Variants in HEATR9 observed in about 807,000 individuals in gnomAD.
The protein encoded by HEATR9 is protein HEATR9.
Under a neutral mutation model 68.2 loss-of-function variants are expected in HEATR9, and 54 were observed. The observed-to-expected ratio is 0.79, with a 90% CI of 0.64 to 0.99. The LOEUF is 0.99. Ranked by LOEUF, HEATR9 falls within the 50% of genes least tolerant of loss-of-function variation. The pLI, the probability that HEATR9 is intolerant of heterozygous loss-of-function variation, is 0.00. For missense variants in HEATR9, 662 were observed against 679.7 expected, an observed-to-expected ratio of 0.97 and a Z score of 0.29; for synonymous variants, 241 against 253.5, an observed-to-expected ratio of 0.95 and a Z score of 0.47.
At position 35,868,788 on chromosome 17, in the gene HEATR9, A is replaced by G; in HGVS notation, c.-46T>C. ...AGAGGGAACCTGCAGGGGGGAATACAAGGCTTTTAGGGGAGTGGGGGCACA... is the reference window on the plus strand; with the variant it reads ...AGAGGGAACCTGCAGGGGGGAATACGAGGCTTTTAGGGGAGTGGGGGCACA... On this transcript the variant is annotated 5_prime_UTR_variant, in exon 1 of 15. Transcript: ENST00000604834. The G allele has an allele frequency of 6.3e-7, 1 of 1,584,818 alleles. No homozygotes were observed. Among genetic ancestry groups the G allele is most frequent in the Non-Finnish European group, 8.7e-7 (1 of 1,154,504 alleles).
intron 8 of HEATR9, among the ~76,000 whole-genome samples, chr17:35,861,921 C>T (rs576841970): frequency 5.7e-4 from 86 of 151,764 alleles, no homozygotes; most frequent in Non-Finnish European, 1.0e-3. Flanking sequence ...TGCAATGGCG[C>T]GATCTTGGCT....
At chr17:35,868,251 C>G (rs1598613876) in intron 1 of HEATR9, among the ~76,000 whole-genome samples, 2 of 152,278 alleles carry the variant, frequency 1.3e-5, no homozygotes, top group East Asian at 3.9e-4. Context: ...CCTAACCTGG[C>G]TGGGAGGATA....
At chr17:35,867,611 C>G (rs2088255165) in intron 1 of HEATR9, among the ~76,000 whole-genome samples, 3 of 151,806 alleles carry the variant, frequency 2.0e-5, no homozygotes, top group Non-Finnish European at 4.4e-5. Flanking sequence ...GAGTTCAAGA[C>G]CAATCTGGGC....
At chr17:35,858,410 G>A in intron 10 of HEATR9, 23 bp downstream of exon 10, 1 of 1,613,994 alleles carries the variant, frequency 6.2e-7, no homozygotes, top group Non-Finnish European at 8.5e-7. Flanking sequence ...GGAAAGGAAG[G>A]GTTCAGGCAG....
At chr17:35,855,494 G>A in intron 14 of HEATR9, 84 bp from the exon 15 acceptor site, 1 of 1,389,764 alleles carries the variant, frequency 7.2e-7, no homozygotes, top group South Asian at 1.2e-5. Context: ...AAAGTAGGGG[G>A]GAATTCTAGC....
intron 8 of HEATR9, chr17:35,861,215 G>T: frequency 1.9e-6 from 3 of 1,596,034 alleles, no homozygotes; most frequent in Middle Eastern, 3.9e-4. Context: ...ACTTTCTGTA[G>T]CTCTTTATTT....
intron 3 of HEATR9, 148 bp downstream of exon 3, chr17:35,865,067 G>A: frequency 7.8e-7 from 1 of 1,282,460 alleles, no homozygotes; most frequent in Non-Finnish European, 1.1e-6. Flanking sequence ...GAGCCAGATG[G>A]AGCTGAGCCA....
intron 13 of HEATR9, 46 bp downstream of exon 13, chr17:35,856,126 CT>C (rs761490059): frequency 1.9e-6 from 3 of 1,580,272 alleles, no homozygotes; most frequent in South Asian, 2.2e-5. Flanking sequence ...CCTACTCCCC[CT>C]GCCATCAACA....
chr17:35,856,132 T>C (rs2087763133), intron 13 of HEATR9, 41 bp downstream of exon 13: 2 of 1,593,956 alleles, frequency 1.3e-6, no homozygotes, highest in Non-Finnish European at 1.7e-6. Context: ...CCCCCTGCCA[T>C]CAACACAGGA....
chr17:35,862,984 C>T lies in HEATR9; in HGVS notation c.756+11G>A. 1 of 1,614,206 alleles carries T rather than the reference C, an allele frequency of 6.2e-7. No individual in the cohort carries two copies. Among genetic ancestry groups the T allele is most frequent in the South Asian group, 1.1e-5 (1 of 91,074 alleles). Reference sequence around the variant, plus strand: ...GCTTTGCCCCCAATTAAAGACTGTCCTCCCAATCACCTTGTCTTTAGAGAC... The same window carrying T: ...GCTTTGCCCCCAATTAAAGACTGTCTTCCCAATCACCTTGTCTTTAGAGAC... On this transcript the variant is annotated intron_variant, in intron 8 of 14. Transcript: ENST00000604834.
chr17:35,858,840 G>T, intron 9 of HEATR9, 48 bp downstream of exon 9: 1 of 1,590,916 alleles, frequency 6.3e-7, no homozygotes, highest in South Asian at 1.1e-5. Flanking sequence ...ACACAATTCA[G>T]CAGTGGCTTC....
chr17:35,865,082 G>A (rs1168064385), intron 3 of HEATR9, 133 bp downstream of exon 3: 12 of 1,310,096 alleles, frequency 9.2e-6, no homozygotes, highest in South Asian at 8.1e-5. Context: ...GAGCCAAGCC[G>A]AGCCGCCCTA....
At chr17:35,868,304 A>G (rs1007089556) in intron 1 of HEATR9, among the ~76,000 whole-genome samples, 3 of 152,258 alleles carry the variant, frequency 2.0e-5, no homozygotes, top group Admixed American at 6.5e-5. Context: ...TGAGTCTTCA[A>G]TACAAACAGG....
At chr17:35,855,830 G>T in intron 13 of HEATR9, 80 bp from the exon 14 acceptor site, 1 of 1,187,606 alleles carries the variant, frequency 8.4e-7, no homozygotes, top group Non-Finnish European at 1.3e-6. Flanking sequence ...TAGCCCCTTT[G>T]TGAGACTCTG....
intron 1 of HEATR9, among the ~76,000 whole-genome samples, chr17:35,867,374 G>A (rs2143984162): frequency 7.3e-6 from 1 of 136,216 alleles, no homozygotes; most frequent in African/African-American, 2.7e-5. Context: ...GGTGAAGGTT[G>A]CAGGGAGCCG....
Position 35,855,011 on chromosome 17 carries a change from C to A in HEATR9, c.*52G>T, listed in dbSNP as rs1468627804. ...AGTATAGATTGTTTTCTCATGGGAGCCTGAGAAGCATCTTCAGGGAGGGAG... is the reference window on the plus strand; with the variant it reads ...AGTATAGATTGTTTTCTCATGGGAGACTGAGAAGCATCTTCAGGGAGGGAG... On this transcript the variant is annotated 3_prime_UTR_variant, in exon 15 of 15. Coordinates refer to ENST00000604834, the MANE Select transcript of HEATR9 (RefSeq NM_152781.4). The A allele has an allele frequency of 1.4e-6, 2 of 1,435,760 alleles. No homozygotes were observed. Among genetic ancestry groups the A allele is most frequent in the Non-Finnish European group, 1.9e-6 (2 of 1,034,442 alleles). The allele number at this position is 1,435,760 out of a possible 1,614,324, so 88.9% of individuals were successfully genotyped here. A position where few individuals can be genotyped will look rare whatever the true frequency, so the allele number is the denominator to read the frequency against.
chr17:35,858,452 C>T lies in HEATR9; in HGVS notation c.1013G>A (p.Cys338Tyr). Residue 338 changes from cysteine (C) to tyrosine (Y), a missense_variant, in exon 10 of 15, where the codon TGT becomes TAT. Cys to Tyr is a radical substitution (Grantham distance 194). Transcript: ENST00000604834. ...GCTTACCTCAAGGACACTGGAAGAA[C>T]ACAGCTGGTCTAGGATGGCCTTGAT... ...PVIKAILDQL[C>Y]SSSVLEDRFE... The T allele has an allele frequency of 1.2e-6, 2 of 1,614,136 alleles. No individual in the cohort carries two copies. Among genetic ancestry groups the T allele is most frequent in the Non-Finnish European group, 1.7e-6 (2 of 1,180,014 alleles).
At chr17:35,860,735 C>T (rs1208136706) in intron 8 of HEATR9, among the ~76,000 whole-genome samples, 6 of 151,796 alleles carry the variant, frequency 4.0e-5, no homozygotes, top group Admixed American at 6.6e-5. Context: ...GTGATCCACT[C>T]GCCTCAGCCT....
chr17:35,862,890 A>G (rs1265716219), intron 8 of HEATR9, 105 bp downstream of exon 8: 6 of 1,503,682 alleles, frequency 4.0e-6, no homozygotes, highest in Non-Finnish European at 4.6e-6. Flanking sequence ...GTCTTCCTCT[A>G]TCAAAGCTGT....
Sources: gnomAD v4.1 joint callset for allele counts (sites outside exome capture counted in the v4.1 genomes callset) on GRCh38, gnomAD v4.1.1 for gene constraint, MANE v1.5 for transcripts, NCBI Gene and HGNC (gene_info 2026-07-23, HGNC 2026-07-21) for gene names.